Variants in TMEM135 observed in about 807,000 individuals in gnomAD.
The protein encoded by TMEM135 is peroxisomal membrane protein 52.
In TMEM135, 30 loss-of-function variants were observed where a neutral mutation model predicts 60.3. The ratio of observed to expected loss-of-function variants is 0.50; its 90% CI spans 0.37 to 0.68. The LOEUF (loss-of-function observed/expected upper bound fraction) is 0.68, where lower values mean the gene tolerates loss of function less well. Ranked by LOEUF, TMEM135 falls within the 30% of genes least tolerant of loss-of-function variation. The pLI, the probability that TMEM135 is intolerant of heterozygous loss-of-function variation, is 0.00. For synonymous variants in TMEM135, 190 were observed against 186.7 expected, an observed-to-expected ratio of 1.02 and a Z score of -0.14; for missense variants, 468 against 548.8, an observed-to-expected ratio of 0.85 and a Z score of 1.47.
chr11:87,278,937 C>G (rs1488853954), intron 6 of TMEM135, among the ~76,000 whole-genome samples: 3 of 152,078 alleles, frequency 2.0e-5, no homozygotes, highest in African/African-American at 7.2e-5. Context: ...AATTTCACAC[C>G]AGTGGAATCA....
At chr11:87,058,559 G>C (rs1179705739) in intron 1 of TMEM135, among the ~76,000 whole-genome samples, 2 of 151,932 alleles carry the variant, frequency 1.3e-5, no homozygotes, top group African/African-American at 4.8e-5. Context: ...TTGAACTTCT[G>C]GTCTCAAGTG....
At chr11:87,226,254 A>G (rs954939569) in intron 5 of TMEM135, among the ~76,000 whole-genome samples, 8 of 152,208 alleles carry the variant, frequency 5.3e-5, no homozygotes, top group Admixed American at 5.2e-4. Flanking sequence ...TGTGAATAAA[A>G]TGTTTTGGGT....
In TMEM135 at chr11:87,323,255, T is replaced by G. The variant is rs1942857356; in HGVS notation, c.*1922T>G. The G allele has an allele frequency of 2.2e-6, 1 of 453,690 alleles. No individual in the cohort carries two copies. 28.1% of individuals were successfully genotyped at this position (453,690 alleles called of 1,614,324 possible). On this transcript the variant is annotated 3_prime_UTR_variant, in exon 15 of 15. Coordinates refer to ENST00000305494, the MANE Select transcript of TMEM135 (RefSeq NM_022918.4). The stretch of plus-strand genomic sequence containing the variant: ...TAAATTGCAGTCATTTTTTTAAATT[T>G]TATGTAAAATGTAAAATGAAATAGC...
chr11:87,306,052 T>G, intron 9 of TMEM135, 47 bp downstream of exon 9: 2 of 1,077,142 alleles, frequency 1.9e-6, no homozygotes, highest in Non-Finnish European at 2.7e-6. Flanking sequence ...GGAATGGGTA[T>G]AGAAATTATT....
intron 4 of TMEM135, among the ~76,000 whole-genome samples, chr11:87,122,329 G>A (rs1042422751): frequency 9.1e-5 from 4 of 44,192 alleles, no homozygotes; most frequent in Non-Finnish European, 1.9e-4. Context: ...TTTTTTTTTT[G>A]TCAAATCCTG....
intron 4 of TMEM135, among the ~76,000 whole-genome samples, chr11:87,132,761 C>A (rs952505845): frequency 1.3e-5 from 2 of 152,106 alleles, no homozygotes; most frequent in Non-Finnish European, 2.9e-5. Context: ...CATCCCAAGA[C>A]CCCTAGTGGA....
At chr11:87,249,582 T>C (rs372380374) in intron 6 of TMEM135, among the ~76,000 whole-genome samples, 16 of 152,168 alleles carry the variant, frequency 1.1e-4, no homozygotes, top group Admixed American at 7.2e-4. Flanking sequence ...GATGTGCTTA[T>C]TGTTATAACT....
At chr11:87,177,544 A>G (rs900338007) in intron 5 of TMEM135, among the ~76,000 whole-genome samples, 1 of 152,178 alleles carries the variant, frequency 6.6e-6, no homozygotes, top group Non-Finnish European at 1.5e-5. Context: ...TAATTTTTAA[A>G]TATATTTATG....
chr11:87,326,029 C>T lies in TMEM135; in HGVS notation c.*4696C>T. The T allele has an allele frequency of 2.2e-6, 1 of 453,912 alleles. No individual in the cohort carries two copies. Among genetic ancestry groups the T allele is most frequent in the Non-Finnish European group, 4.4e-6 (1 of 226,764 alleles). The allele number at this position is 453,912 out of a possible 1,614,324, so 28.1% of individuals were successfully genotyped here. On this transcript the variant is annotated 3_prime_UTR_variant, in exon 15 of 15. Coordinates refer to ENST00000305494, the MANE Select transcript of TMEM135 (RefSeq NM_022918.4). ...CTGGTCACCAACAGGGACATCAGGG[C>T]CAAGAGCAGTTTATACTTCTTTCTT...
chr11:87,058,616 C>CTTATT (rs1051652841), intron 1 of TMEM135, among the ~76,000 whole-genome samples: 19 of 151,894 alleles, frequency 1.3e-4, no homozygotes, highest in African/African-American at 3.6e-4. Context: ...AAAACAAGGT[C>CTTATT]TTATTTTATT....
chr11:87,233,540 G>T (rs1176836883), intron 5 of TMEM135, among the ~76,000 whole-genome samples: 5 of 151,914 alleles, frequency 3.3e-5, no homozygotes, highest in Non-Finnish European at 5.9e-5. Context: ...TATTTTACAG[G>T]TATATAGCTA....
At chr11:87,305,061 T>C (rs1942516076) in intron 8 of TMEM135, among the ~76,000 whole-genome samples, 1 of 152,210 alleles carries the variant, frequency 6.6e-6, no homozygotes, top group Non-Finnish European at 1.5e-5. Context: ...AATTACCACA[T>C]GATCTCTATT....
intron 6 of TMEM135, chr11:87,259,192 T>G: frequency 1.9e-6 from 1 of 533,648 alleles, no homozygotes; most frequent in East Asian, 3.7e-5. Flanking sequence ...AACTCCTCCT[T>G]AGTCTTCTCC....
At chr11:87,147,450 C>A (rs934640604) in intron 4 of TMEM135, among the ~76,000 whole-genome samples, 1 of 152,222 alleles carries the variant, frequency 6.6e-6, no homozygotes, top group African/African-American at 2.4e-5. Context: ...ATCCTCCTGC[C>A]TCAGCCTCCT....
chr11:87,216,234 G>C (rs749522371), intron 5 of TMEM135, among the ~76,000 whole-genome samples: 7 of 152,122 alleles, frequency 4.6e-5, no homozygotes, highest in Admixed American at 1.3e-4. Flanking sequence ...AAATCCCTTA[G>C]CTTGTATTGC....
chr11:87,300,974 A>G (rs181040154), intron 7 of TMEM135, among the ~76,000 whole-genome samples: 67 of 152,348 alleles, frequency 4.4e-4, no homozygotes, highest in African/African-American at 1.3e-3. Context: ...CTGTTCTGGC[A>G]TAGTTTTACC....
intron 5 of TMEM135, among the ~76,000 whole-genome samples, chr11:87,206,969 CTA>C (rs1333200482): frequency 2.0e-5 from 3 of 152,128 alleles, no homozygotes; most frequent in Non-Finnish European, 4.4e-5. Context: ...CCCCAGCCTT[CTA>C]TGATGCCTAA....
intron 2 of TMEM135, among the ~76,000 whole-genome samples, chr11:87,070,987 C>T (rs1355591115): frequency 6.6e-6 from 1 of 152,118 alleles, no homozygotes; most frequent in African/African-American, 2.4e-5. Context: ...CTCTTAATGG[C>T]TCTATGAGAT....
rs142403893 is a variant in TMEM135, at chr11:87,065,921, T to G, written c.142-1773T>G. On this transcript the variant is annotated intron_variant, in intron 1 of 14. Coordinates refer to ENST00000305494, the MANE Select transcript of TMEM135 (RefSeq NM_022918.4). ...TTTACCACACTGGCATATTATAGCT[T>G]ACTGCTGTTGTTTGTGTCTATTTCC... Among the ~76,000 whole-genome samples, 619 of 152,370 alleles carry G rather than the reference T, an allele frequency of 4.1e-3. 2 individuals carry two copies. The highest frequency in any genetic ancestry group is 0.01 in the South Asian group (49 of 4,826).
Sources: allele counts gnomAD v4.1 joint callset (sites outside exome capture counted in the v4.1 genomes callset), GRCh38; gene constraint gnomAD v4.1.1; transcripts MANE v1.5; gene names NCBI Gene and HGNC (gene_info 2026-07-23, HGNC 2026-07-21).